The following ADAMTSL1 variants were observed in gnomAD, a reference collection of about 807,000 sequenced individuals.
The protein encoded by ADAMTSL1 is ADAMTS like 1.
A neutral mutation model predicts 201.8 loss-of-function variants in ADAMTSL1; 126 were observed. That is an observed-to-expected ratio of 0.62 (90% CI 0.54 to 0.72). The LOEUF (loss-of-function observed/expected upper bound fraction) is 0.72, where lower values mean the gene tolerates loss of function less well. Among genes scored for constraint, ADAMTSL1 ranks in the 30% least tolerant of loss-of-function variants. The pLI is 0.00. For synonymous variants in ADAMTSL1, 1,121 were observed against 903.4 expected, an observed-to-expected ratio of 1.24 and a Z score of -4.32; for missense variants, 2,679 against 2,277.8, an observed-to-expected ratio of 1.18 and a Z score of -3.59.
At chr9:18,592,378 C>G (rs1404908662) in intron 4 of ADAMTSL1, among the ~76,000 whole-genome samples, 1 of 152,104 alleles carries the variant, frequency 6.6e-6, no homozygotes, top group Non-Finnish European at 1.5e-5. Context: ...TTCTGATCAG[C>G]TCATGAGGTA....
intron 2 of ADAMTSL1, among the ~76,000 whole-genome samples, chr9:18,174,313 C>G (rs1828040482): frequency 6.6e-6 from 1 of 152,036 alleles, no homozygotes. Flanking sequence ...CTGACTTAGT[C>G]ATGTATGGAG....
At chr9:18,206,727 CA>C (rs1363245809) in intron 2 of ADAMTSL1, among the ~76,000 whole-genome samples, 1 of 152,096 alleles carries the variant, frequency 6.6e-6, no homozygotes, top group African/African-American at 2.4e-5. Context: ...TCCTTATAAA[CA>C]GAAGTCATAA....
intron 2 of ADAMTSL1, among the ~76,000 whole-genome samples, chr9:18,411,816 A>C (rs1486078141): frequency 6.6e-6 from 1 of 152,156 alleles, no homozygotes; most frequent in African/African-American, 2.4e-5. Context: ...TGTAGCAGCC[A>C]TCCCATTATT....
At chr9:17,945,995 A>G (rs1341573245) in intron 1 of ADAMTSL1, among the ~76,000 whole-genome samples, 1 of 151,786 alleles carries the variant, frequency 6.6e-6, no homozygotes, top group Non-Finnish European at 1.5e-5. Context: ...AAAATCTTCC[A>G]CCACATGTGA....
At chr9:18,253,806 C>T (rs566911681) in intron 2 of ADAMTSL1, among the ~76,000 whole-genome samples, 13 of 152,122 alleles carry the variant, frequency 8.5e-5, no homozygotes, top group Non-Finnish European at 1.9e-4. Context: ...AATAACAATT[C>T]CACTAGAATC....
chr9:18,528,567 A>G (rs1856894), intron 2 of ADAMTSL1, among the ~76,000 whole-genome samples: 79,157 of 151,994 alleles, frequency 0.52, 21,635 homozygotes, highest in East Asian at 0.76. Context: ...ATAGTATTCC[A>G]TGGTGTATAT....
chr9:18,718,489 G>T, intron 14 of ADAMTSL1: 1 of 568,534 alleles, frequency 1.8e-6, no homozygotes, highest in South Asian at 1.4e-5. Flanking sequence ...ACTTTCCAAC[G>T]CCTCCTGGGC....
At chr9:17,914,210 C>A (rs1163152015) in intron 1 of ADAMTSL1, among the ~76,000 whole-genome samples, 1 of 152,090 alleles carries the variant, frequency 6.6e-6, no homozygotes, top group African/African-American at 2.4e-5. Context: ...CTGGCGGAGA[C>A]ACAACCAAAA....
At chr9:18,600,678 G>A (rs985174487) in intron 4 of ADAMTSL1, among the ~76,000 whole-genome samples, 2 of 151,872 alleles carry the variant, frequency 1.3e-5, no homozygotes, top group Non-Finnish European at 2.9e-5. Context: ...AAGGCATACA[G>A]CCATTCTCCT....
intron 1 of ADAMTSL1, among the ~76,000 whole-genome samples, 189 bp downstream of exon 1, chr9:18,474,484 A>G (rs747053759): frequency 2.0e-5 from 3 of 152,184 alleles, no homozygotes; most frequent in Non-Finnish European, 4.4e-5. Context: ...CCCAAGCAAG[A>G]TAAAGTCTGC....
At chr9:18,599,220 G>T (rs1824468024) in intron 4 of ADAMTSL1, among the ~76,000 whole-genome samples, 1 of 152,182 alleles carries the variant, frequency 6.6e-6, no homozygotes, top group Non-Finnish European at 1.5e-5. Context: ...AGGGATGAAA[G>T]GATTTGTTTT....
Position 18,437,992 on chromosome 9 carries a change from G to A in ADAMTSL1, c.208-66837G>A, listed in dbSNP as rs539510468. 3.4e-3 allele frequency among the ~76,000 whole-genome samples: 516 copies of A among 152,304 alleles called. 5 individuals are homozygous for A. The highest frequency in any genetic ancestry group is 0.024 in the Middle Eastern group (7 of 294). ...TCTGCTAATGCCCGCTGCTGTTGCT[G>A]CCTGCTGGAACGGGAAGGAGAGGAT... is the stretch of plus-strand genomic sequence containing the variant. On this transcript the variant is annotated intron_variant, in intron 2 of 29. Coordinates refer to the ADAMTSL1 transcript ENST00000680146.
chr9:18,342,674 A>G (rs909658574), intron 2 of ADAMTSL1, among the ~76,000 whole-genome samples: 4 of 152,150 alleles, frequency 2.6e-5, no homozygotes, highest in Non-Finnish European at 5.9e-5. Flanking sequence ...GTGCTGCCCA[A>G]CGTTCCTCTT....
At chr9:18,109,234 C>T (rs1303330632) in intron 1 of ADAMTSL1, among the ~76,000 whole-genome samples, 7 of 152,126 alleles carry the variant, frequency 4.6e-5, no homozygotes. Context: ...GTGTTACACC[C>T]TCATTTGTGT....
intron 2 of ADAMTSL1, among the ~76,000 whole-genome samples, chr9:18,308,717 C>T (rs531533252): frequency 3.3e-5 from 5 of 152,204 alleles, no homozygotes; most frequent in Middle Eastern, 3.4e-3. Context: ...CAAAAAAAGT[C>T]GAGGGCCAGA....
At chr9:18,584,563 A>G (rs1247115333) in intron 4 of ADAMTSL1, among the ~76,000 whole-genome samples, 4 of 152,200 alleles carry the variant, frequency 2.6e-5, no homozygotes, top group African/African-American at 7.2e-5. Context: ...TTCTTCCAGT[A>G]TCCAATTAAA....
At chr9:18,649,850 A>G (rs1243282364) in intron 7 of ADAMTSL1, among the ~76,000 whole-genome samples, 1 of 152,092 alleles carries the variant, frequency 6.6e-6, no homozygotes, top group Non-Finnish European at 1.5e-5. Flanking sequence ...TCAGGGACCT[A>G]CTTGAGGAGG....
At chr9:18,517,183 T>C (rs936293585) in intron 2 of ADAMTSL1, among the ~76,000 whole-genome samples, 1 of 152,168 alleles carries the variant, frequency 6.6e-6, no homozygotes, top group African/African-American at 2.4e-5. Flanking sequence ...ATGGCATGTG[T>C]GTGTATACTA....
intron 1 of ADAMTSL1, among the ~76,000 whole-genome samples, chr9:17,969,267 G>T (rs1249579840): frequency 6.6e-6 from 1 of 152,050 alleles, no homozygotes; most frequent in Non-Finnish European, 1.5e-5. Context: ...ATAGGAAGAA[G>T]ATGTGATATT....
Sources: gnomAD v4.1 joint callset for allele counts (sites outside exome capture counted in the v4.1 genomes callset) on GRCh38, gnomAD v4.1.1 for gene constraint, MANE v1.5 for transcripts, NCBI Gene and HGNC (gene_info 2026-07-23, HGNC 2026-07-21) for gene names.